SLC9A4: variants seen among roughly 807,000 people sequenced by gnomAD.
SLC9A4 encodes the protein sodium/hydrogen exchanger 4.
SLC9A4 carries 63 observed loss-of-function variants against 67.4 expected under a neutral mutation model. The ratio of observed to expected loss-of-function variants is 0.93; its 90% CI spans 0.76 to 1.15. The LOEUF is 1.15. Among genes scored for constraint, SLC9A4 ranks in the 50% most tolerant of loss-of-function variants. The pLI is 0.00. For synonymous variants in SLC9A4, 393 were observed against 367.2 expected, an observed-to-expected ratio of 1.07 and a Z score of -0.80; for missense variants, 1,089 against 987.7, an observed-to-expected ratio of 1.10 and a Z score of -1.38.
chr2:102,476,869 CAG>C, intron 1 of SLC9A4, among the ~76,000 whole-genome samples: 1 of 152,088 alleles, frequency 6.6e-6, no homozygotes, highest in East Asian at 1.9e-4. Flanking sequence ...AGAGGAAATG[CAG>C]AAATAAGCAG....
At chr2:102,507,872 G>A (rs376298924) in intron 4 of SLC9A4, among the ~76,000 whole-genome samples, 3 of 152,066 alleles carry the variant, frequency 2.0e-5, no homozygotes, top group South Asian at 2.1e-4. Flanking sequence ...AAACTGTAGC[G>A]AAGATTCCCA....
chr2:102,528,955 T>C (rs1027349700), intron 11 of SLC9A4, among the ~76,000 whole-genome samples: 1 of 152,234 alleles, frequency 6.6e-6, no homozygotes, highest in African/African-American at 2.4e-5. Context: ...GAGGATGATA[T>C]TGGTTCCCTC....
rs755846985 is a variant in SLC9A4 at position 102,508,862 on chromosome 2, C to CCT, written c.1420_1421dup (p.Val475TrpfsTer24). On this transcript the variant is annotated frameshift_variant, in exon 6 of 12. Transcript: ENST00000295269. LOFTEE classifies it high-confidence loss of function. ...TCTGATCTAGGGAATCACAGTTGGC[C>CCT]CTCTGGTCAGGTACCTGGATGTTAA... 3 of 1,612,046 alleles carry CCT rather than the reference C, an allele frequency of 1.9e-6. No homozygotes were observed. The highest frequency in any genetic ancestry group is 3.4e-5 in the Admixed American group (2 of 59,616).
intron 11 of SLC9A4, among the ~76,000 whole-genome samples, chr2:102,530,320 A>G (rs1401204009): frequency 6.6e-6 from 1 of 152,140 alleles, no homozygotes; most frequent in African/African-American, 2.4e-5. Flanking sequence ...GTAAAAGAAC[A>G]CATACTCAGA....
At chr2:102,513,223 G>A (rs1385896232) in intron 7 of SLC9A4, among the ~76,000 whole-genome samples, 3 of 152,174 alleles carry the variant, frequency 2.0e-5, no homozygotes, top group African/African-American at 7.2e-5. Context: ...GGCCTGGTCT[G>A]AGCCGAGCTG....
chr2:102,475,270 T>C (rs1684304024), intron 1 of SLC9A4, among the ~76,000 whole-genome samples: 1 of 152,240 alleles, frequency 6.6e-6, no homozygotes, highest in Non-Finnish European at 1.5e-5. Context: ...ACTGATTGTG[T>C]TCAAGGTGAT....
intron 3 of SLC9A4, 105 bp from the exon 4 acceptor site, chr2:102,505,149 G>A (rs1232195888): frequency 1.2e-5 from 12 of 982,114 alleles, no homozygotes; most frequent in Non-Finnish European, 1.5e-5. Flanking sequence ...AGATATTCCT[G>A]CATCAACACG....
chr2:102,523,979 C>T (rs997137412), intron 9 of SLC9A4, among the ~76,000 whole-genome samples: 2 of 152,168 alleles, frequency 1.3e-5, no homozygotes, highest in African/African-American at 4.8e-5. Context: ...CTCTATGACC[C>T]CCGATGATCC....
At chr2:102,491,607 C>G (rs1684701614) in intron 2 of SLC9A4, among the ~76,000 whole-genome samples, 1 of 152,052 alleles carries the variant, frequency 6.6e-6, no homozygotes, top group Non-Finnish European at 1.5e-5. Flanking sequence ...ATTCAATTAC[C>G]TCCCACTGGG....
rs1674808792 is a variant in SLC9A4, at chr2:102,532,870, G to A, written c.*182G>A. Reference sequence around the variant, plus strand: ...GACTGGGAGCAAACTTGCAGGCTCTGCCATGTACTTATTGTGGGGTACCTT... The same window carrying A: ...GACTGGGAGCAAACTTGCAGGCTCTACCATGTACTTATTGTGGGGTACCTT... On this transcript the variant is annotated 3_prime_UTR_variant, in exon 12 of 12. Transcript: ENST00000295269. 4 of 585,332 alleles carry A rather than the reference G, an allele frequency of 6.8e-6. No homozygotes were observed. Among genetic ancestry groups the A allele is most frequent in the Admixed American group, 6.2e-5 (2 of 32,438 alleles). 36.3% of individuals were successfully genotyped at this position (585,332 alleles called of 1,614,324 possible).
At chr2:102,486,939 G>A (rs1041713905) in intron 2 of SLC9A4, among the ~76,000 whole-genome samples, 1 of 152,170 alleles carries the variant, frequency 6.6e-6, no homozygotes, top group Admixed American at 6.5e-5. Flanking sequence ...ATGCAGCCTT[G>A]ATTGGTTGGC....
At chr2:102,523,985 G>T (rs1674604514) in intron 9 of SLC9A4, among the ~76,000 whole-genome samples, 1 of 152,188 alleles carries the variant, frequency 6.6e-6, no homozygotes, top group Non-Finnish European at 1.5e-5. Flanking sequence ...GACCCCCGAT[G>T]ATCCCAGAAT....
rs1372763568 is a variant in SLC9A4, at chr2:102,478,845, A to G, written c.263A>G (p.His88Arg). ...GCTCTTCGCTGTTCTGCAGGCTTCC[A>G]CCTCTACCACAGGCTGCCAGGCCTC... ...LLASLAKIGF[H>R]LYHRLPGLMP... is the part of the protein sequence containing the mutation. The change falls in exon 2 of 12, where the codon CAC (histidine) becomes CGC (arginine). Residue 88 changes from histidine (H) to arginine (R), a missense_variant. Physicochemically the swap from His to Arg is conservative, Grantham distance 29 (BLOSUM62 0). Transcript: ENST00000295269. The G allele has an allele frequency of 6.2e-7, 1 of 1,613,472 alleles. No homozygotes were observed. Among genetic ancestry groups the G allele is most frequent in the Non-Finnish European group, 8.5e-7 (1 of 1,179,746 alleles).
chr2:102,532,366 C>G lies in SLC9A4; in HGVS notation c.2075C>G (p.Thr692Arg), dbSNP rs770922657. ...DSSDPGSPSI[T>R]FSACSRIGSL... Reference sequence around the variant, plus strand: ...AGTGATCCAGGATCCCCATCCATCACGTTCAGCGCATGCTCTCGGATAGGG... The same window carrying G: ...AGTGATCCAGGATCCCCATCCATCAGGTTCAGCGCATGCTCTCGGATAGGG... The change falls in exon 12 of 12, where the codon ACG becomes AGG. Residue 692 changes from threonine (T) to arginine (R), a missense_variant. By Grantham distance (71) the Thr-to-Arg change is moderately conservative (BLOSUM62 -1). Coordinates refer to ENST00000295269, the MANE Select transcript of SLC9A4 (RefSeq NM_001011552.4). 4.3e-6 allele frequency: 7 copies of G among 1,614,022 alleles called. No individual in the cohort carries two copies. The East Asian group carries it at 1.6e-4, about 36-fold the overall frequency.
chr2:102,484,574 C>T (rs141210158), intron 2 of SLC9A4, among the ~76,000 whole-genome samples: 29 of 152,320 alleles, frequency 1.9e-4, no homozygotes, highest in African/African-American at 5.3e-4. Context: ...AAGCAGCTCC[C>T]GGACACTGTT....
chr2:102,513,669 A>G (rs555358705), intron 7 of SLC9A4, among the ~76,000 whole-genome samples: 1 of 152,364 alleles, frequency 6.6e-6, no homozygotes, highest in Admixed American at 6.5e-5. Context: ...TTCTGGTTGA[A>G]TAGGCCAGTA....
At chr2:102,478,514 TG>T (rs1300979564) in intron 1 of SLC9A4, among the ~76,000 whole-genome samples, 2 of 152,216 alleles carry the variant, frequency 1.3e-5, no homozygotes, top group Non-Finnish European at 2.9e-5. Flanking sequence ...AAGCTGGGCT[TG>T]CACGAGTGCA....
At chr2:102,514,672 T>C (rs565012053) in intron 8 of SLC9A4, among the ~76,000 whole-genome samples, 1 of 152,344 alleles carries the variant, frequency 6.6e-6, no homozygotes, top group East Asian at 1.9e-4. Flanking sequence ...CTTTCTGAGA[T>C]GATAACTTGG....
At chr2:102,497,736 C>T (rs1047909589) in intron 2 of SLC9A4, among the ~76,000 whole-genome samples, 4 of 152,146 alleles carry the variant, frequency 2.6e-5, no homozygotes, top group Non-Finnish European at 4.4e-5. Flanking sequence ...TTTTCTATAT[C>T]TTGACTATGG....
Sources: allele counts gnomAD v4.1 joint callset (sites outside exome capture counted in the v4.1 genomes callset), GRCh38; gene constraint gnomAD v4.1.1; transcripts MANE v1.5; gene names NCBI Gene and HGNC (gene_info 2026-07-23, HGNC 2026-07-21).